Variants in IQCJ observed in about 807,000 individuals in gnomAD.
IQCJ encodes IQ motif containing J, also known as IQ domain-containing protein J.
Under a neutral mutation model 11.0 loss-of-function variants are expected in IQCJ, and 9 were observed. The ratio of observed to expected loss-of-function variants is 0.82; its 90% CI spans 0.49 to 1.43. The LOEUF (loss-of-function observed/expected upper bound fraction) is 1.43, where lower values mean the gene tolerates loss of function less well. IQCJ is among the 40% of genes most tolerant of loss of function. IQCJ has a pLI of 0.00. For synonymous variants in IQCJ, 55 were observed against 51.3 expected (o/e 1.07, Z -0.31); for missense variants, 146 against 133.2 (o/e 1.10, Z -0.47).
At chr3:159,161,607 T>TGG (rs1389981255) in intron 1 of IQCJ, among the ~76,000 whole-genome samples, 11 of 152,218 alleles carry the variant, frequency 7.2e-5, no homozygotes, top group Admixed American at 3.3e-4. Flanking sequence ...TCCTTGCCCA[T>TGG]GCCTATGTCC....
At chr3:159,186,886 T>G (rs1250755456) in intron 1 of IQCJ, among the ~76,000 whole-genome samples, 2 of 152,194 alleles carry the variant, frequency 1.3e-5, no homozygotes, top group Non-Finnish European at 2.9e-5. Context: ...AAGGCTTTCT[T>G]GAATCATATG....
chr3:159,166,058 T>C (rs1352156217), intron 1 of IQCJ, among the ~76,000 whole-genome samples: 2 of 152,088 alleles, frequency 1.3e-5, no homozygotes, highest in Non-Finnish European at 2.9e-5. Context: ...AGAAATAATT[T>C]TATTGATGTT....
intron 1 of IQCJ, among the ~76,000 whole-genome samples, chr3:159,121,056 C>T (rs1222778117): frequency 6.6e-6 from 1 of 152,176 alleles, no homozygotes; most frequent in African/African-American, 2.4e-5. Flanking sequence ...TCACTCCAAT[C>T]TCCTTGGCCA....
chr3:159,107,847 G>A (rs1034353637), intron 1 of IQCJ, among the ~76,000 whole-genome samples: 19 of 151,826 alleles, frequency 1.3e-4, no homozygotes, highest in African/African-American at 3.6e-4. Flanking sequence ...GTCTTTATTC[G>A]TTCACTGGAT....
intron 1 of IQCJ, among the ~76,000 whole-genome samples, chr3:159,093,106 G>A (rs1477444394): frequency 6.6e-6 from 1 of 151,610 alleles, no homozygotes; most frequent in Non-Finnish European, 1.5e-5. Flanking sequence ...TACCTTCTTA[G>A]CAACAATGAA....
At chr3:159,131,521 GC>G (rs887412628) in intron 1 of IQCJ, among the ~76,000 whole-genome samples, 54 of 152,248 alleles carry the variant, frequency 3.5e-4, no homozygotes, top group Non-Finnish European at 5.4e-4. Flanking sequence ...CAAGGATTGT[GC>G]CCCTCCTTGA....
chr3:159,078,646 A>C (rs912160610), intron 1 of IQCJ, among the ~76,000 whole-genome samples: 3 of 150,776 alleles, frequency 2.0e-5, no homozygotes, highest in Non-Finnish European at 4.4e-5. Context: ...ATTTTCTTGG[A>C]ATTACTTTTA....
chr3:159,181,372 C>A (rs947683023), intron 1 of IQCJ, among the ~76,000 whole-genome samples: 6 of 146,810 alleles, frequency 4.1e-5, no homozygotes, highest in Non-Finnish European at 9.0e-5. Context: ...TCTCACTGGG[C>A]AGGAAGTCTA....
intron 3 of IQCJ, 79 bp from the exon 4 acceptor site, chr3:159,262,469 T>C: frequency 6.5e-7 from 1 of 1,544,890 alleles, no homozygotes. Flanking sequence ...TCAGACTCCT[T>C]GTGAGTTTCT....
chr3:159,096,240 A>T lies in IQCJ; in HGVS notation c.9+26799A>T, dbSNP rs1372396149. 5.0e-4 allele frequency among the ~76,000 whole-genome samples: 72 copies of T among 143,934 alleles called. 1 individual carries two copies. The East Asian group carries it at 0.013, about 26-fold the overall frequency. 94.4% of individuals were successfully genotyped at this position (143,934 alleles called of 152,430 possible). On this transcript the variant is annotated intron_variant, in intron 1 of 3. Coordinates refer to ENST00000397832, the MANE Select transcript of IQCJ (RefSeq NM_001042706.3). ...TGTTTTTTTCTTGTAAATTTGTTTG[A>T]GTTCATTGTAGATTCTGGATATTAG...
At chr3:159,212,564 C>T (rs1725013286) in intron 1 of IQCJ, among the ~76,000 whole-genome samples, 1 of 152,120 alleles carries the variant, frequency 6.6e-6, no homozygotes, top group South Asian at 2.1e-4. Context: ...TCCAATAAGG[C>T]CCTGTGTATA....
At chr3:159,259,910 C>T (rs936943142) in intron 3 of IQCJ, among the ~76,000 whole-genome samples, 1 of 151,930 alleles carries the variant, frequency 6.6e-6, no homozygotes, top group Admixed American at 6.6e-5. Context: ...ATAATAAGAT[C>T]GTGTAATAAA....
intron 1 of IQCJ, among the ~76,000 whole-genome samples, chr3:159,084,736 T>C (rs1348151422): frequency 1.3e-5 from 2 of 151,984 alleles, no homozygotes; most frequent in African/African-American, 2.4e-5. Flanking sequence ...AGCACAGGAA[T>C]ATGATCATTT....
chr3:159,251,193 G>T (rs61795193), intron 2 of IQCJ, among the ~76,000 whole-genome samples: 2 of 151,956 alleles, frequency 1.3e-5, no homozygotes, highest in Admixed American at 6.6e-5. Context: ...TTTCCCTACC[G>T]CCAGGACATT....
At chr3:159,106,138 G>A (rs1429895522) in intron 1 of IQCJ, among the ~76,000 whole-genome samples, 1 of 152,112 alleles carries the variant, frequency 6.6e-6, no homozygotes, top group Non-Finnish European at 1.5e-5. Context: ...TGAGAGAAAG[G>A]AACTAAGGTG....
chr3:159,264,435 G>A (rs536502682), downstream of IQCJ, among the ~76,000 whole-genome samples: 1 of 152,180 alleles, frequency 6.6e-6, no homozygotes, highest in Non-Finnish European at 1.5e-5. Context: ...TTAGCCTCCT[G>A]ATTCCTTGTT....
intron 1 of IQCJ, among the ~76,000 whole-genome samples, chr3:159,082,390 G>C (rs557731962): frequency 6.6e-6 from 1 of 151,470 alleles, no homozygotes; most frequent in Non-Finnish European, 1.5e-5. Context: ...TGAAAAAACA[G>C]AGGCAGTAAA....
intron 1 of IQCJ, among the ~76,000 whole-genome samples, chr3:159,139,366 T>C (rs1377649846): frequency 2.0e-5 from 3 of 152,212 alleles, no homozygotes; most frequent in Non-Finnish European, 4.4e-5. Context: ...GACAGCATAT[T>C]GTTAGCCTGT....
chr3:159,163,519 A>C (rs889846864), intron 1 of IQCJ, among the ~76,000 whole-genome samples: 7 of 152,118 alleles, frequency 4.6e-5, no homozygotes, highest in African/African-American at 1.7e-4. Context: ...GGCACAAGAC[A>C]GGGATGCCCT....
Sources: gnomAD v4.1 joint callset for allele counts (sites outside exome capture counted in the v4.1 genomes callset) on GRCh38, gnomAD v4.1.1 for gene constraint, MANE v1.5 for transcripts, NCBI Gene and HGNC (gene_info 2026-07-23, HGNC 2026-07-21) for gene names.